The following AGMO variants were observed in gnomAD, a reference collection of about 807,000 sequenced individuals.
AGMO encodes the protein glyceryl-ether monooxygenase.
AGMO carries 75 observed loss-of-function variants against 60.2 expected under a neutral mutation model. That is an observed-to-expected ratio of 1.25 (90% CI 1.03 to 1.51). The LOEUF (loss-of-function observed/expected upper bound fraction) is 1.51, where lower values mean the gene tolerates loss of function less well. AGMO is among the 40% of genes most tolerant of loss of function. The pLI is 0.00. For missense variants in AGMO, 763 were observed against 525.5 expected (o/e 1.45, Z -4.42); for synonymous variants, 261 against 177.1 (o/e 1.47, Z -3.76).
chr7:15,525,504 G>A (rs1320678746), intron 3 of AGMO, among the ~76,000 whole-genome samples: 6 of 151,948 alleles, frequency 3.9e-5, no homozygotes, highest in Non-Finnish European at 7.4e-5. Context: ...CCCCAATTCT[G>A]AGCCCGTAAA....
the AGMO span, among the ~76,000 whole-genome samples, chr7:15,168,646 A>G: frequency 6.6e-6 from 1 of 152,194 alleles, no homozygotes; most frequent in South Asian, 2.1e-4. Flanking sequence ...GAGGCAGGCT[A>G]TTTTTAAGCC....
intron 5 of AGMO, 100 bp downstream of exon 5, chr7:15,418,458 A>G: frequency 1.4e-6 from 1 of 715,530 alleles, no homozygotes; most frequent in South Asian, 1.8e-5. Flanking sequence ...AAGGCAGACA[A>G]AGATTTTTCT....
intron 3 of AGMO, among the ~76,000 whole-genome samples, chr7:15,488,697 T>C (rs1470512749): frequency 2.0e-5 from 3 of 152,170 alleles, no homozygotes; most frequent in Admixed American, 6.6e-5. Context: ...TTGAAGATTA[T>C]TGAATTTGGA....
the AGMO span, among the ~76,000 whole-genome samples, chr7:15,176,121 T>C: frequency 6.6e-6 from 1 of 152,058 alleles, no homozygotes; most frequent in African/African-American, 2.4e-5. Flanking sequence ...TACGTTTTCC[T>C]ATTTTTATGC....
At chr7:15,159,175 T>A in the AGMO span, among the ~76,000 whole-genome samples, 1 of 152,156 alleles carries the variant, frequency 6.6e-6, no homozygotes, top group Non-Finnish European at 1.5e-5. Flanking sequence ...TGACTGATTG[T>A]GCACAATGAA....
At chr7:15,468,565 T>C (rs1365443810) in intron 3 of AGMO, among the ~76,000 whole-genome samples, 2 of 152,092 alleles carry the variant, frequency 1.3e-5, no homozygotes, top group Admixed American at 1.3e-4. Flanking sequence ...ACACAAATCA[T>C]ATATATATGA....
chr7:15,136,053 G>A, the AGMO span, among the ~76,000 whole-genome samples: 1 of 141,586 alleles, frequency 7.1e-6, no homozygotes, highest in Non-Finnish European at 1.5e-5. Context: ...GAGTGCAATG[G>A]TGTGATCTCA....
At chr7:15,468,387 T>C (rs1373232061) in intron 3 of AGMO, among the ~76,000 whole-genome samples, 2 of 152,142 alleles carry the variant, frequency 1.3e-5, no homozygotes, top group East Asian at 1.9e-4. Flanking sequence ...CTCACTTACA[T>C]TTGAAATTGT....
chr7:15,213,712 T>A (rs1336700791), intron 12 of AGMO, among the ~76,000 whole-genome samples: 1 of 151,926 alleles, frequency 6.6e-6, no homozygotes, highest in African/African-American at 2.4e-5. Flanking sequence ...TAAGCTAGCT[T>A]CCTGGCACTC....
chr7:15,161,712 C>T, the AGMO span, among the ~76,000 whole-genome samples: 1 of 151,140 alleles, frequency 6.6e-6, no homozygotes, highest in African/African-American at 2.4e-5. Flanking sequence ...TGTATACATA[C>T]ACACACATAT....
chr7:15,549,277 G>A (rs1648642101), intron 2 of AGMO, among the ~76,000 whole-genome samples: 1 of 146,368 alleles, frequency 6.8e-6, no homozygotes, highest in Non-Finnish European at 1.5e-5. Context: ...AAAATCACCA[G>A]CTAACATCAT....
the AGMO span, among the ~76,000 whole-genome samples, chr7:15,158,607 A>G: frequency 2.0e-5 from 3 of 152,216 alleles, no homozygotes; most frequent in Non-Finnish European, 4.4e-5. Flanking sequence ...GCCAATGAAT[A>G]TGTCTTGTGA....
chr7:15,217,808 T>C (rs1781788103), intron 12 of AGMO, among the ~76,000 whole-genome samples: 1 of 151,844 alleles, frequency 6.6e-6, no homozygotes, highest in African/African-American at 2.4e-5. Flanking sequence ...GAAAGCAAAA[T>C]AGAATTACTA....
intron 5 of AGMO, among the ~76,000 whole-genome samples, chr7:15,412,674 T>A (rs1780646841): frequency 6.9e-6 from 1 of 144,912 alleles, no homozygotes; most frequent in African/African-American, 2.6e-5. Context: ...ACCTCCAGCA[T>A]TTCATTATTT....
At chr7:15,191,563 T>G in the AGMO span, among the ~76,000 whole-genome samples, 1 of 152,152 alleles carries the variant, frequency 6.6e-6, no homozygotes, top group South Asian at 2.1e-4. Flanking sequence ...CAGATATTTT[T>G]TATGTATTAT....
intron 12 of AGMO, among the ~76,000 whole-genome samples, chr7:15,314,733 T>C (rs930427410): frequency 2.6e-5 from 4 of 152,174 alleles, no homozygotes; most frequent in Middle Eastern, 3.2e-3. Flanking sequence ...TTACCTTATA[T>C]GACTTTGGGA....
chr7:15,223,508 A>G (rs982392892), intron 12 of AGMO, among the ~76,000 whole-genome samples: 1 of 152,032 alleles, frequency 6.6e-6, no homozygotes, highest in Admixed American at 6.6e-5. Flanking sequence ...TTTTAAAAAG[A>G]AAATGTAAAG....
At chr7:15,529,026 G>A (rs1324845168) in intron 3 of AGMO, among the ~76,000 whole-genome samples, 1 of 151,906 alleles carries the variant, frequency 6.6e-6, no homozygotes, top group African/African-American at 2.4e-5. Context: ...CAACTTAAAA[G>A]ACACAAAAAG....
At chr7:15,506,250 G>A (rs1183402600) in intron 3 of AGMO, among the ~76,000 whole-genome samples, 1 of 149,148 alleles carries the variant, frequency 6.7e-6, no homozygotes, top group South Asian at 2.1e-4. Context: ...TAAATGATAT[G>A]CATTATCTAC....
Sources: gnomAD v4.1 joint callset for allele counts (sites outside exome capture counted in the v4.1 genomes callset) on GRCh38, gnomAD v4.1.1 for gene constraint, MANE v1.5 for transcripts, NCBI Gene and HGNC (gene_info 2026-07-23, HGNC 2026-07-21) for gene names.